PTPN18: variants seen among roughly 807,000 people sequenced by gnomAD.
PTPN18 encodes the protein protein tyrosine phosphatase non-receptor type 18, also known as tyrosine-protein phosphatase non-receptor type 18.
In PTPN18, 65 loss-of-function variants were observed where a neutral mutation model predicts 65.4. That is an observed-to-expected ratio of 0.99 (90% confidence interval 0.81 to 1.22). PTPN18 has a LOEUF of 1.22. Ranked by LOEUF, PTPN18 falls within the 50% of genes most tolerant of loss-of-function variation. The pLI is 0.00. For missense variants in PTPN18, 616 were observed against 646.5 expected (o/e 0.95, Z 0.51); for synonymous variants, 255 against 267.8 (o/e 0.95, Z 0.47).
Position 130,370,376 on chromosome 2 carries a change from C to G in PTPN18, c.690-181C>G, listed in dbSNP as rs1518290. On this transcript the variant is annotated intron_variant, in intron 8 of 14. Coordinates refer to ENST00000175756, the MANE Select transcript of PTPN18 (RefSeq NM_014369.4). ...TCAGCTGGGGAATAAGCACACAGCT[C>G]TTGCTCAACAAAATGTAAGTGATTA... The G allele has an allele frequency of 0.028, 30,668 of 1,100,106 alleles. 5,827 individuals carry two copies. The African/African-American group carries it at 0.42, about 15-fold the overall frequency. 68.1% of individuals were successfully genotyped at this position (1,100,106 alleles called of 1,614,324 possible).
Position 130,369,278 on chromosome 2 carries a change from A to C in PTPN18, c.483+77A>C. 2.2e-6 allele frequency: 3 copies of C among 1,360,538 alleles called. No homozygotes were observed. The South Asian group carries it at 3.6e-5, about 16-fold the overall frequency. The allele number at this position is 1,360,538 out of a possible 1,614,324, so 84.3% of individuals were successfully genotyped here. A position where few individuals can be genotyped will look rare whatever the true frequency, so the allele number is the denominator to read the frequency against. Reference sequence around the variant, plus strand: ...TTGGGCCTAAAAGGTTGAATGATTTAACCCACAGTCCACTCATACTGCAGG... The same window carrying C: ...TTGGGCCTAAAAGGTTGAATGATTTCACCCACAGTCCACTCATACTGCAGG... On this transcript the variant is annotated intron_variant, in intron 6 of 14. Transcript: ENST00000175756.
At chr2:130,372,681 G>A in intron 13 of PTPN18, 192 bp from the exon 14 acceptor site, 2 of 965,178 alleles carry the variant, frequency 2.1e-6, no homozygotes, top group South Asian at 3.5e-5. Context: ...CGGTCCAGGG[G>A]CAGGGTTCCT....
intron 5 of PTPN18, chr2:130,362,222 G>A (rs768903168): frequency 1.7e-5 from 8 of 460,878 alleles, no homozygotes; most frequent in African/African-American, 1.0e-4. Flanking sequence ...CTTCCACCTC[G>A]GCCTCCCAAA....
chr2:130,359,406 G>GGT lies in PTPN18; in HGVS notation c.290_291insTG (p.Ser98GlufsTer17), dbSNP rs1680114978. On this transcript the variant is annotated frameshift_variant, in exon 4 of 15. Transcript: ENST00000175756. LOFTEE classifies it high-confidence loss of function. ...ATTCGGCCTTCACCAGGGCGTGGATGGAAGCCTGGCCTACATTGCCACGCA... is the reference window on the plus strand; with the variant it reads ...ATTCGGCCTTCACCAGGGCGTGGATGGTGAAGCCTGGCCTACATTGCCACGCA... The GGT allele has an allele frequency of 6.2e-7, 1 of 1,614,054 alleles. No individual in the cohort carries two copies. The highest frequency in any genetic ancestry group is 1.3e-5 in the African/African-American group (1 of 74,922).
chr2:130,368,296 T>G (rs778667754), intron 5 of PTPN18, among the ~76,000 whole-genome samples: 10 of 152,384 alleles, frequency 6.6e-5, no homozygotes, highest in Non-Finnish European at 1.2e-4. Context: ...CTTGATATTT[T>G]GAATTTTGCA....
At chr2:130,369,379 A>G (rs553263854) in intron 6 of PTPN18, among the ~76,000 whole-genome samples, 178 bp downstream of exon 6, 4 of 152,318 alleles carry the variant, frequency 2.6e-5, no homozygotes, top group East Asian at 1.9e-4. Context: ...TTTGGCTACA[A>G]TCAGTTAATC....
In PTPN18 at chr2:130,370,634, G is replaced by A. The variant is rs76105048; in HGVS notation, c.756+11G>A. The A allele has an allele frequency of 6.1e-3, 9,831 of 1,614,166 alleles. 507 individuals are homozygous for A. In the East Asian group the frequency reaches 0.13, roughly 22 times the overall value. ...CTGCTCCTGACCCAGGTACGATACA[G>A]GCATCCTGTGTGTGCAGTGTGCTGC... On this transcript the variant is annotated intron_variant, in intron 9 of 14. Coordinates refer to ENST00000175756, the MANE Select transcript of PTPN18 (RefSeq NM_014369.4).
chr2:130,359,242 C>A lies in PTPN18; in HGVS notation c.212C>A (p.Thr71Lys), dbSNP rs757390238. 5.0e-6 allele frequency: 8 copies of A among 1,613,916 alleles called. No homozygotes were observed. The African/African-American group carries it at 6.7e-5, about 13-fold the overall frequency. Residue 71 changes from threonine (T) to lysine (K), a missense_variant, in exon 3 of 15, where the codon ACG becomes AAG. Thr to Lys is a moderately conservative substitution (Grantham distance 78). Coordinates refer to ENST00000175756, the MANE Select transcript of PTPN18 (RefSeq NM_014369.4). ...CCTTATCTGCTGACAGATGATCAGA[C>A]GCGAGTAATCCTCTCCCTGCTCCAG... ...RYKDVLPYDQTRVILSLLQEE... is the reference protein window; with the variant it reads ...RYKDVLPYDQKRVILSLLQEE...
At chr2:130,364,317 A>T (rs964773843) in intron 5 of PTPN18, among the ~76,000 whole-genome samples, 1 of 152,210 alleles carries the variant, frequency 6.6e-6, no homozygotes, top group Non-Finnish European at 1.5e-5. Flanking sequence ...TCAGGAATAC[A>T]CTAATATACA....
At chr2:130,363,603 C>CT (rs561769695) in intron 5 of PTPN18, among the ~76,000 whole-genome samples, 281 of 152,176 alleles carry the variant, frequency 1.8e-3, no homozygotes, top group African/African-American at 6.1e-3. Context: ...AATATGTAGC[C>CT]TTTTTTTGCT....
chr2:130,359,203 C>A, intron 2 of PTPN18, 30 bp from the exon 3 acceptor site: 1 of 1,612,828 alleles, frequency 6.2e-7, no homozygotes. Context: ...CCTACCCAAA[C>A]TCCACGTTTC....
Position 130,370,946 on chromosome 2 carries a change from C to G in PTPN18, c.906C>G (p.His302Gln), listed in dbSNP as rs1416148325. The change falls in exon 11 of 15, where the codon CAC (histidine) becomes CAG (glutamine). Residue 302 changes from histidine (H) to glutamine (Q), a missense_variant. His to Gln is a conservative substitution (Grantham distance 24). Coordinates refer to ENST00000175756, the MANE Select transcript of PTPN18 (RefSeq NM_014369.4). ...CCACACTCCAGAATGCCAGCCCCCA[C>G]TACCAGAACATCAAAGAGGTACAGA... ...FCSTLQNASPHYQNIKENCAP... is the reference protein window; with the variant it reads ...FCSTLQNASPQYQNIKENCAP... The G allele has an allele frequency of 6.2e-7, 1 of 1,613,980 alleles. No homozygotes were observed. The highest frequency in any genetic ancestry group is 1.3e-5 in the African/African-American group (1 of 74,926).
At chr2:130,362,464 T>C (rs1392198946) in intron 5 of PTPN18, 1 of 221,206 alleles carries the variant, frequency 4.5e-6, no homozygotes, top group Non-Finnish European at 9.2e-6. Flanking sequence ...TAGTAATTAT[T>C]CCCTTATTAG....
At chr2:130,362,455 A>G (rs1433638655) in intron 5 of PTPN18, 24 of 230,756 alleles carry the variant, frequency 1.0e-4, no homozygotes, top group Non-Finnish European at 8.8e-6. Flanking sequence ...TCTATTGCAT[A>G]GTAATTATTC....
chr2:130,371,744 G>A (rs1187269888), intron 12 of PTPN18, among the ~76,000 whole-genome samples: 2 of 152,204 alleles, frequency 1.3e-5, no homozygotes, highest in Non-Finnish European at 2.9e-5. Flanking sequence ...GAGCCCGGGA[G>A]GTGGAGGTTG....
rs542027760 is a variant in PTPN18, at chr2:130,368,860, A to T, written c.415-273A>T. On this transcript the variant is annotated intron_variant, in intron 5 of 14. Coordinates refer to ENST00000175756, the MANE Select transcript of PTPN18 (RefSeq NM_014369.4). ...CAACACCTGCCAACCAGTGTCTGAA[A>T]ATAGTGGCTCATGTATTTTGTCCAG... 9.7e-5 allele frequency: 30 copies of T among 308,086 alleles called. No homozygotes were observed. In the East Asian group the frequency reaches 1.6e-3, roughly 17 times the overall value. 19.1% of individuals were successfully genotyped at this position (308,086 alleles called of 1,614,324 possible).
In PTPN18 at chr2:130,370,857, G is replaced by T; in HGVS notation, c.835-18G>T. The T allele has an allele frequency of 6.2e-7, 1 of 1,613,500 alleles. No homozygotes were observed. The highest frequency in any genetic ancestry group is 2.2e-5 in the East Asian group (1 of 44,872). The stretch of plus-strand genomic sequence containing the variant: ...TTTGCCCCTGCCTTCCCTTCTTGAT[G>T]GTCCCTCACCCCAACAGGAGCAGTA... On this transcript the variant is annotated intron_variant, in intron 10 of 14. Coordinates refer to ENST00000175756, the MANE Select transcript of PTPN18 (RefSeq NM_014369.4).
At chr2:130,363,896 C>T (rs1010486204) in intron 5 of PTPN18, among the ~76,000 whole-genome samples, 3 of 150,730 alleles carry the variant, frequency 2.0e-5, no homozygotes, top group South Asian at 2.1e-4. Flanking sequence ...TACATTTCCA[C>T]GGCAATGTTT....
intron 5 of PTPN18, among the ~76,000 whole-genome samples, chr2:130,363,509 C>T (rs1680291546): frequency 6.6e-6 from 1 of 152,078 alleles, no homozygotes; most frequent in African/African-American, 2.4e-5. Flanking sequence ...TTCCCAGCAA[C>T]CTCTACAGCC....
Sources: allele counts gnomAD v4.1 joint callset (sites outside exome capture counted in the v4.1 genomes callset), GRCh38; gene constraint gnomAD v4.1.1; transcripts MANE v1.5; gene names NCBI Gene and HGNC (gene_info 2026-07-23, HGNC 2026-07-21).